The following TENM2 variants were observed in gnomAD, a reference collection of about 807,000 sequenced individuals.
The protein encoded by TENM2 is teneurin transmembrane protein 2.
Under a neutral mutation model 245.2 loss-of-function variants are expected in TENM2, and 52 were observed. The observed-to-expected ratio is 0.21, with a 90% confidence interval of 0.17 to 0.27. TENM2 has a LOEUF of 0.27. TENM2 is among the 10% of genes least tolerant of loss of function. TENM2 has a pLI of 1.00. For missense variants in TENM2, 3,046 were observed against 3,666.8 expected (o/e 0.83, Z 4.37); for synonymous variants, 1,363 against 1,438.9 (o/e 0.95, Z 1.19).
At position 167,470,454 on chromosome 5, in the gene TENM2, CTTTTTTT is replaced by C. The variant is rs749016436; in HGVS notation, c.502+94997_502+95003del. 1.5e-4 allele frequency among the ~76,000 whole-genome samples: 7 copies of C among 47,400 alleles called. No homozygotes were observed. In the East Asian group the frequency reaches 4.0e-3, roughly 27 times the overall value. 31.1% of individuals were successfully genotyped at this position (47,400 alleles called of 152,430 possible). A position where few individuals can be genotyped will look rare whatever the true frequency, so the allele number is the denominator to read the frequency against. On this transcript the variant is annotated intron_variant, in intron 2 of 28. Coordinates refer to ENST00000518659, the Ensembl canonical transcript of TENM2. ...TACAGAGAGGTATGGGCAATGCTTG[CTTTTTTT>C]TTTTTTTTTTTTTTTGCTTATGGAA...
chr5:167,355,477 CTGA>C lies in TENM2; in HGVS notation c.227-19719_227-19717del, dbSNP rs1192186168. 2.0e-5 allele frequency among the ~76,000 whole-genome samples: 3 copies of C among 152,298 alleles called. No homozygotes were observed. In the East Asian group the frequency reaches 5.8e-4, roughly 29 times the overall value. ...AAGTGTTTGAAATAATAATCTGCTG[CTGA>C]TCCCTAAATAATCTGAAATGAGAGC... On this transcript the variant is annotated intron_variant, in intron 1 of 28. Transcript: ENST00000518659.
intron 2 of TENM2, among the ~76,000 whole-genome samples, chr5:167,408,922 T>C (rs2127400037): frequency 6.7e-6 from 1 of 150,152 alleles, no homozygotes; most frequent in South Asian, 2.1e-4. Flanking sequence ...ATGCTTTCCA[T>C]GTATTTTCTC....
intron 1 of TENM2, among the ~76,000 whole-genome samples, chr5:167,355,461 A>AAAT (rs1759251054): frequency 1.3e-5 from 2 of 152,210 alleles, no homozygotes; most frequent in Non-Finnish European, 2.9e-5. Flanking sequence ...TAAGTGTTTG[A>AAAT]AATAATAATC....
chr5:167,351,192 GAT>G (rs913860234), intron 1 of TENM2, among the ~76,000 whole-genome samples: 6 of 148,650 alleles, frequency 4.0e-5, no homozygotes, highest in African/African-American at 9.9e-5. Context: ...GATATATATG[GAT>G]ATATATATAT....
In TENM2 at chr5:168,204,629, G is replaced by C. The variant is rs958473596; in HGVS notation, c.3824+8G>C. 3.7e-6 allele frequency: 6 copies of C among 1,611,898 alleles called. No individual in the cohort carries two copies. Among genetic ancestry groups the C allele is most frequent in the African/African-American group, 2.7e-5 (2 of 74,896 alleles). ...CAGCATCTTGGAGTTACGGTAAATG[G>C]CCTCACAGGCAACCTTCTTTTGCTC... On this transcript the variant is annotated splice_region_variant and intron_variant, in intron 19 of 28. Transcript: ENST00000518659.
intron 2 of TENM2, among the ~76,000 whole-genome samples, chr5:167,397,618 T>C (rs1486505487): frequency 6.6e-6 from 1 of 152,102 alleles, no homozygotes. Flanking sequence ...ATGGAAGAGA[T>C]TGAGAGAACC....
intron 3 of TENM2, among the ~76,000 whole-genome samples, chr5:167,910,788 TGAA>T (rs1250076742): frequency 1.3e-5 from 2 of 152,192 alleles, no homozygotes; most frequent in African/African-American, 4.8e-5. Flanking sequence ...TTCCTAATCT[TGAA>T]GGAGTTATAT....
At chr5:167,552,061 C>T (rs753157062) in intron 2 of TENM2, among the ~76,000 whole-genome samples, 5 of 152,190 alleles carry the variant, frequency 3.3e-5, no homozygotes, top group Non-Finnish European at 7.3e-5. Flanking sequence ...TGCAATAAAT[C>T]ACTTAAGTCT....
intron 13 of TENM2, among the ~76,000 whole-genome samples, chr5:168,171,344 CAG>C (rs1395835554): frequency 3.3e-5 from 5 of 152,202 alleles, no homozygotes; most frequent in Non-Finnish European, 5.9e-5. Context: ...AGTTAAGACT[CAG>C]AATAGCCCTT....
intron 2 of TENM2, among the ~76,000 whole-genome samples, chr5:167,496,202 G>A (rs992772426): frequency 3.9e-5 from 6 of 152,002 alleles, no homozygotes; most frequent in Non-Finnish European, 7.4e-5. Flanking sequence ...TGAATTATTC[G>A]CAAAATTTTC....
chr5:167,828,999 A>G (rs1217454879), intron 2 of TENM2, among the ~76,000 whole-genome samples: 7 of 152,170 alleles, frequency 4.6e-5, no homozygotes, highest in Non-Finnish European at 1.0e-4. Flanking sequence ...TAGCATCTGG[A>G]GAAGCCCATC....
At chr5:167,647,184 A>G (rs970540298) in intron 2 of TENM2, among the ~76,000 whole-genome samples, 5 of 152,200 alleles carry the variant, frequency 3.3e-5, no homozygotes, top group African/African-American at 1.2e-4. Context: ...AAATATAGGT[A>G]TTAGCACAAT....
intron 5 of TENM2, among the ~76,000 whole-genome samples, chr5:167,995,774 A>G (rs967276621): frequency 6.6e-6 from 1 of 152,250 alleles, no homozygotes; most frequent in African/African-American, 2.4e-5. Flanking sequence ...GATGAAAAGC[A>G]GTATATTATT....
chr5:167,472,674 T>C (rs1261117970), intron 2 of TENM2, among the ~76,000 whole-genome samples: 2 of 152,176 alleles, frequency 1.3e-5, no homozygotes, highest in African/African-American at 2.4e-5. Context: ...TTTATCTTCA[T>C]ATAAAGGCTT....
chr5:167,532,137 A>G (rs1159101148), intron 2 of TENM2, among the ~76,000 whole-genome samples: 1 of 152,146 alleles, frequency 6.6e-6, no homozygotes, highest in East Asian at 1.9e-4. Context: ...GAAACTGAAT[A>G]TTAGAAAAGG....
intron 3 of TENM2, among the ~76,000 whole-genome samples, chr5:167,897,913 A>G (rs1268220340): frequency 9.9e-5 from 10 of 100,888 alleles, no homozygotes; most frequent in Non-Finnish European, 1.9e-4. Flanking sequence ...TTTTTTTTGC[A>G]TCTGCTGGGC....
At chr5:167,199,097 T>TTAA in the TENM2 span, among the ~76,000 whole-genome samples, 1 of 79,314 alleles carries the variant, frequency 1.3e-5, no homozygotes, top group African/African-American at 4.5e-5. Context: ...TGATATGAAG[T>TTAA]AAAAAAAAAA....
the TENM2 span, among the ~76,000 whole-genome samples, chr5:167,092,854 G>A: frequency 6.6e-6 from 1 of 152,154 alleles, no homozygotes; most frequent in Non-Finnish European, 1.5e-5. Context: ...TCCCCAGTAA[G>A]AGATACAAAT....
At chr5:167,126,392 T>G in the TENM2 span, among the ~76,000 whole-genome samples, 1 of 152,210 alleles carries the variant, frequency 6.6e-6, no homozygotes, top group East Asian at 1.9e-4. Flanking sequence ...ATGGTTGAGA[T>G]GTCCTTTCTA....
Sources: gnomAD v4.1 joint callset for allele counts (sites outside exome capture counted in the v4.1 genomes callset) on GRCh38, gnomAD v4.1.1 for gene constraint, MANE v1.5 for transcripts, NCBI Gene and HGNC (gene_info 2026-07-23, HGNC 2026-07-21) for gene names.